R3HDM2: variants seen among roughly 807,000 people sequenced by gnomAD.
R3HDM2 encodes the protein R3H domain containing 2.
Under a neutral mutation model 124.5 loss-of-function variants are expected in R3HDM2, and 38 were observed. The ratio of observed to expected loss-of-function variants is 0.31; its 90% CI spans 0.24 to 0.40. The LOEUF is 0.40. Among genes scored for constraint, R3HDM2 ranks in the 10% least tolerant of loss-of-function variants. The probability of loss-of-function intolerance (pLI) is 1.00; values close to 1 mark genes in which losing one functional copy is unlikely to be tolerated. For synonymous variants in R3HDM2, 391 were observed against 448.0 expected, an observed-to-expected ratio of 0.87 and a Z score of 1.61; for missense variants, 869 against 1,236.9, an observed-to-expected ratio of 0.70 and a Z score of 4.46.
intron 10 of R3HDM2, among the ~76,000 whole-genome samples, chr12:57,294,573 G>A (rs976701906): frequency 1.8e-4 from 28 of 152,172 alleles, no homozygotes; most frequent in African/African-American, 6.5e-4. Flanking sequence ...TGACACTAGA[G>A]GTAAGATATT....
intron 19 of R3HDM2, among the ~76,000 whole-genome samples, chr12:57,261,829 A>ATGG (rs2040923385): frequency 6.7e-6 from 1 of 149,474 alleles, no homozygotes; most frequent in Non-Finnish European, 1.5e-5. Flanking sequence ...GGGAAGGAGC[A>ATGG]TGGGTTGGCA....
chr12:57,316,369 T>A (rs2055018898), intron 2 of R3HDM2, among the ~76,000 whole-genome samples: 1 of 152,146 alleles, frequency 6.6e-6, no homozygotes, highest in South Asian at 2.1e-4. Flanking sequence ...TGTTTCCTTT[T>A]TGTGACTGGT....
intron 1 of R3HDM2, among the ~76,000 whole-genome samples, chr12:57,416,421 G>C (rs1411779395): frequency 6.6e-6 from 1 of 152,030 alleles, no homozygotes; most frequent in Non-Finnish European, 1.5e-5. Context: ...TAAAATGTTG[G>C]AGCCAAAAAG....
At chr12:57,407,414 T>C (rs2068626079) in intron 1 of R3HDM2, among the ~76,000 whole-genome samples, 1 of 152,122 alleles carries the variant, frequency 6.6e-6, no homozygotes, top group African/African-American at 2.4e-5. Flanking sequence ...TTTTTCTTTT[T>C]TTCTTTTTTG....
intron 3 of R3HDM2, chr12:57,305,643 G>T (rs1415798513): frequency 2.5e-6 from 1 of 398,856 alleles, no homozygotes; most frequent in Non-Finnish European, 4.4e-6. Context: ...CACAAACCTT[G>T]TCAAAAAGGA....
At chr12:57,255,189 G>C in intron 23 of R3HDM2, 76 bp from the exon 24 acceptor site, 2 of 1,235,166 alleles carry the variant, frequency 1.6e-6, no homozygotes, top group Non-Finnish European at 2.3e-6. Context: ...CAGCAGAGAA[G>C]TGTCCAGCTG....
At chr12:57,402,202 G>A (rs1423163910) in intron 1 of R3HDM2, among the ~76,000 whole-genome samples, 2 of 151,026 alleles carry the variant, frequency 1.3e-5, no homozygotes, top group Non-Finnish European at 2.9e-5. Flanking sequence ...GACTGAGGCA[G>A]GAGAATCTCC....
Position 57,370,854 on chromosome 12 carries a change from C to A in R3HDM2, c.-36+24895G>T, listed in dbSNP as rs2063268778. On this transcript the variant is annotated intron_variant, in intron 2 of 23. Transcript: ENST00000402412. Reference sequence around the variant, plus strand: ...TAATGTCAGGACAGCAGTCAGTGAGCAAAGATGATATAAGCTGCTGAGAAA... The same window carrying A: ...TAATGTCAGGACAGCAGTCAGTGAGAAAAGATGATATAAGCTGCTGAGAAA... Among the ~76,000 whole-genome samples, 3 of 151,916 alleles carry A rather than the reference C, an allele frequency of 2.0e-5. No individual in the cohort carries two copies. The South Asian group carries it at 6.3e-4, about 32-fold the overall frequency.
chr12:57,402,294 C>CAA (rs535082591), intron 1 of R3HDM2, among the ~76,000 whole-genome samples: 1 of 130,810 alleles, frequency 7.6e-6, no homozygotes. Flanking sequence ...GACTCCATCT[C>CAA]AAAAAAAAAA....
rs543267290 is a variant in R3HDM2 at position 57,282,259 on chromosome 12, C to T, written c.1171+1565G>A. Among the ~76,000 whole-genome samples, 102 of 147,886 alleles carry T rather than the reference C, an allele frequency of 6.9e-4. 1 individual carries two copies. The highest frequency in any genetic ancestry group is 2.4e-3 in the African/African-American group (98 of 40,034). The stretch of plus-strand genomic sequence containing the variant: ...CCGGGAGGCGGAGGTTGCAGTGAGC[C>T]GAGGTCGTGCCATTGCGTAACAAGA... On this transcript the variant is annotated intron_variant, in intron 13 of 23. Transcript: ENST00000402412.
At chr12:57,306,311 T>G (rs2138921142) in intron 3 of R3HDM2, among the ~76,000 whole-genome samples, 1 of 152,212 alleles carries the variant, frequency 6.6e-6, no homozygotes, top group East Asian at 2.0e-4. Flanking sequence ...CAGGCAGTTC[T>G]TTATTTCACA....
chr12:57,390,056 G>A (rs2066427673), intron 2 of R3HDM2, among the ~76,000 whole-genome samples: 2 of 151,952 alleles, frequency 1.3e-5, no homozygotes, highest in Admixed American at 6.6e-5. Flanking sequence ...TTATTGGATA[G>A]TAGTCAGTAA....
chr12:57,393,581 G>T (rs1370136019), intron 2 of R3HDM2, among the ~76,000 whole-genome samples: 1 of 152,058 alleles, frequency 6.6e-6, no homozygotes, highest in Admixed American at 6.6e-5. Context: ...GAGACCTGTG[G>T]GACACCATCA....
At position 57,269,741 on chromosome 12, in the gene R3HDM2, G is replaced by A; in HGVS notation, c.1587+11C>T. The stretch of plus-strand genomic sequence containing the variant: ...ATTAAGTGATTTAAGCTGGGAACTG[G>A]AGCTGCTCACCTGTTGAGGGGGCTG... On this transcript the variant is annotated intron_variant, in intron 15 of 23. Coordinates refer to ENST00000402412, the MANE Select transcript of R3HDM2 (RefSeq NM_001394031.1). 6.2e-7 allele frequency: 1 copy of A among 1,614,106 alleles called. No individual in the cohort carries two copies. Among genetic ancestry groups the A allele is most frequent in the South Asian group, 1.1e-5 (1 of 91,080 alleles).
At chr12:57,385,471 T>A (rs1325836518) in intron 2 of R3HDM2, among the ~76,000 whole-genome samples, 2 of 151,956 alleles carry the variant, frequency 1.3e-5, no homozygotes, top group African/African-American at 2.4e-5. Flanking sequence ...CTCGATCTCC[T>A]GACCTCGCGA....
intron 19 of R3HDM2, among the ~76,000 whole-genome samples, chr12:57,262,522 G>A (rs565092377): frequency 6.6e-6 from 1 of 152,162 alleles, no homozygotes; most frequent in Non-Finnish European, 1.5e-5. Flanking sequence ...AGGCCTGGGG[G>A]TAAACAGGGC....
chr12:57,329,937 G>A (rs1489118584), intron 2 of R3HDM2, among the ~76,000 whole-genome samples: 1 of 152,078 alleles, frequency 6.6e-6, no homozygotes, highest in African/African-American at 2.4e-5. Flanking sequence ...TATTGTAAAT[G>A]GAATTGTTTT....
chr12:57,391,820 A>G (rs1016634614), intron 2 of R3HDM2, among the ~76,000 whole-genome samples: 1 of 152,266 alleles, frequency 6.6e-6, no homozygotes, highest in African/African-American at 2.4e-5. Flanking sequence ...CTGTAAAGAC[A>G]CTTGAAAAGT....
chr12:57,301,118 CAAAAAATAAA>C (rs1002328882), intron 4 of R3HDM2, among the ~76,000 whole-genome samples: 3 of 150,180 alleles, frequency 2.0e-5, no homozygotes, highest in African/African-American at 7.4e-5. Flanking sequence ...AACCAAAAAA[CAAAAAATAAA>C]AAAAAATAAA....
Sources: allele counts gnomAD v4.1 joint callset (sites outside exome capture counted in the v4.1 genomes callset), GRCh38; gene constraint gnomAD v4.1.1; transcripts MANE v1.5; gene names NCBI Gene and HGNC (gene_info 2026-07-23, HGNC 2026-07-21).